Variants in NOL4L observed in about 807,000 individuals in gnomAD.
The protein encoded by NOL4L is nucleolar protein 4 like.
Under a neutral mutation model 64.5 loss-of-function variants are expected in NOL4L, and 7 were observed. The observed-to-expected ratio is 0.11, with a 90% CI of 0.06 to 0.20. The LOEUF is 0.20. Among genes scored for constraint, NOL4L ranks in the 10% least tolerant of loss-of-function variants. The pLI is 1.00. For synonymous variants in NOL4L, 413 were observed against 401.0 expected, an observed-to-expected ratio of 1.03 and a Z score of -0.36; for missense variants, 680 against 967.1, an observed-to-expected ratio of 0.70 and a Z score of 3.94.
chr20:32,560,173 G>A (rs375124681), intron 1 of NOL4L, among the ~76,000 whole-genome samples: 4 of 152,244 alleles, frequency 2.6e-5, no homozygotes, highest in Admixed American at 6.5e-5. Flanking sequence ...TCCCAGCCCC[G>A]TCACACAGGC....
chr20:32,518,367 G>A (rs1342137373), intron 3 of NOL4L, among the ~76,000 whole-genome samples: 2 of 152,242 alleles, frequency 1.3e-5, no homozygotes, highest in Non-Finnish European at 1.5e-5. Flanking sequence ...CTGGGGGTGG[G>A]GTGTGGTGGT....
chr20:32,513,323 C>T (rs950675277), intron 3 of NOL4L, among the ~76,000 whole-genome samples: 8 of 152,174 alleles, frequency 5.3e-5, no homozygotes, highest in Non-Finnish European at 7.3e-5. Context: ...ACCTTGAAAA[C>T]GCGATACCAA....
chr20:32,452,123 C>T, intron 10 of NOL4L, 113 bp downstream of exon 10: 1 of 921,792 alleles, frequency 1.1e-6, no homozygotes, highest in East Asian at 3.2e-5. Context: ...TGAGGCAGCC[C>T]CTTTCCATCA....
chr20:32,470,566 C>T (rs1051849357), intron 5 of NOL4L, among the ~76,000 whole-genome samples: 1 of 152,228 alleles, frequency 6.6e-6, no homozygotes, highest in Non-Finnish European at 1.5e-5. Context: ...CCCAAGGCAA[C>T]GCCAGACCAC....
At chr20:32,513,356 C>T (rs925704822) in intron 3 of NOL4L, among the ~76,000 whole-genome samples, 6 of 152,278 alleles carry the variant, frequency 3.9e-5, no homozygotes, top group East Asian at 1.9e-4. Flanking sequence ...AGACATAAAA[C>T]GACAACCACT....
Position 32,463,441 on chromosome 20 carries a change from G to A in NOL4L, c.842-7046C>T, listed in dbSNP as rs1466063333. On this transcript the variant is annotated intron_variant, in intron 5 of 10. Coordinates refer to ENST00000621426, the MANE Select transcript of NOL4L (RefSeq NM_001256798.2). This position sits in a 1 kb window ranked among gnomAD's most constrained non-coding sequence, Gnocchi z 5.8. ...CAGAGACATGTCCTGAGGGGCCTTG[G>A]GGAAGCAGCCCGGGATGCACCCCCT... 1.3e-5 allele frequency among the ~76,000 whole-genome samples: 2 copies of A among 152,190 alleles called. No homozygotes were observed. The highest frequency in any genetic ancestry group is 2.9e-5 in the Non-Finnish European group (2 of 68,028).
chr20:32,511,310 C>G lies in NOL4L; in HGVS notation c.699+37G>C, dbSNP rs771546434. 3 of 1,345,462 alleles carry G rather than the reference C, an allele frequency of 2.2e-6. No individual in the cohort carries two copies. The African/African-American group carries it at 4.4e-5, about 20-fold the overall frequency. 83.3% of individuals were successfully genotyped at this position (1,345,462 alleles called of 1,614,324 possible). A position where few individuals can be genotyped will look rare whatever the true frequency, so the allele number is the denominator to read the frequency against. ...TCAACCACCGCCAGGCAAGTCAGGA[C>G]GCCTCCAGGTGGGGTGAGGGGAGAC... On this transcript the variant is annotated intron_variant, in intron 4 of 10. Coordinates refer to ENST00000621426, the MANE Select transcript of NOL4L (RefSeq NM_001256798.2).
rs111809915 is a variant in NOL4L at position 32,575,807 on chromosome 20, G to C, written c.321+8763C>G. ...AAAATCAAGTAGAAAAGAGAGATGG[G>C]AGATGGTCCAAGGGATCTAAGGTGG... On this transcript the variant is annotated intron_variant, in intron 1 of 10. Coordinates refer to ENST00000621426, the MANE Select transcript of NOL4L (RefSeq NM_001256798.2). Among the ~76,000 whole-genome samples, 566 of 152,336 alleles carry C rather than the reference G, an allele frequency of 3.7e-3. 8 individuals carry two copies. The highest frequency in any genetic ancestry group is 0.013 in the African/African-American group (530 of 41,568).
In NOL4L at chr20:32,558,807, C is replaced by G. The variant is rs977873962; in HGVS notation, c.321+25763G>C. ...CCCCTGAAGGGTTTTAGGCTAGGAA[C>G]TGATGATGTGTGATTTACGTTTCGG... On this transcript the variant is annotated intron_variant, in intron 1 of 10. Coordinates refer to ENST00000621426, the MANE Select transcript of NOL4L (RefSeq NM_001256798.2). Among the ~76,000 whole-genome samples the G allele has an allele frequency of 4.6e-5, 7 of 152,142 alleles. 1 individual carries two copies. Among genetic ancestry groups the G allele is most frequent in the Non-Finnish European group, 8.8e-5 (6 of 68,028 alleles).
intron 3 of NOL4L, among the ~76,000 whole-genome samples, chr20:32,512,298 ACTGT>A (rs1430384852): frequency 1.3e-5 from 2 of 152,022 alleles, no homozygotes; most frequent in Admixed American, 6.6e-5. Context: ...GTTTCCAACC[ACTGT>A]CTAAGTCAGT....
chr20:32,481,033 A>G (rs2015683011), intron 4 of NOL4L, among the ~76,000 whole-genome samples: 1 of 152,070 alleles, frequency 6.6e-6, no homozygotes, highest in Non-Finnish European at 1.5e-5. Flanking sequence ...CACCTACCAC[A>G]CTGGAGGCAT....
At chr20:32,576,507 G>A (rs781516501) in intron 1 of NOL4L, among the ~76,000 whole-genome samples, 1 of 152,172 alleles carries the variant, frequency 6.6e-6, no homozygotes, top group African/African-American at 2.4e-5. Flanking sequence ...AATGACCTGG[G>A]CTTGGGAACC....
At chr20:32,535,274 G>GAAAA (rs34876681) in intron 1 of NOL4L, among the ~76,000 whole-genome samples, 1 of 123,440 alleles carries the variant, frequency 8.1e-6, no homozygotes, top group Non-Finnish European at 1.8e-5. Flanking sequence ...ACTGGAAATT[G>GAAAA]AAAAAAAAAA....
intron 4 of NOL4L, among the ~76,000 whole-genome samples, chr20:32,485,088 C>CAAAAAAAAAA (rs1355588607): frequency 1.9e-5 from 1 of 53,432 alleles, no homozygotes; most frequent in African/African-American, 7.6e-5. Context: ...AAAAAAAAAA[C>CAAAAAAAAAA]AACTAAAAAA....
At chr20:32,484,240 G>A (rs1355213321) in intron 4 of NOL4L, among the ~76,000 whole-genome samples, 2 of 152,104 alleles carry the variant, frequency 1.3e-5, no homozygotes, top group African/African-American at 4.8e-5. Flanking sequence ...CTCGGGGTTC[G>A]GCTCCCCCGG....
At chr20:32,576,841 T>A (rs1600891893) in intron 1 of NOL4L, among the ~76,000 whole-genome samples, 1 of 152,028 alleles carries the variant, frequency 6.6e-6, no homozygotes. Flanking sequence ...TCTGGCCAGG[T>A]GGGAGGGCAG....
chr20:32,567,354 A>T (rs2145617835), intron 1 of NOL4L, among the ~76,000 whole-genome samples: 1 of 152,268 alleles, frequency 6.6e-6, no homozygotes, highest in Non-Finnish European at 1.5e-5. Context: ...AGGGAACGGG[A>T]TCTGCCCCAG....
At chr20:32,555,303 C>CT (rs1978579472) in intron 1 of NOL4L, among the ~76,000 whole-genome samples, 1 of 152,010 alleles carries the variant, frequency 6.6e-6, no homozygotes, top group Admixed American at 6.6e-5. Flanking sequence ...TGGATAGGAC[C>CT]TTTTTAAAAA....
At chr20:32,543,071 G>A (rs1299682088) in intron 1 of NOL4L, among the ~76,000 whole-genome samples, 8 of 152,168 alleles carry the variant, frequency 5.3e-5, no homozygotes, top group Non-Finnish European at 1.2e-4. Flanking sequence ...CGAGTGTGGG[G>A]AAAAGGGAAA....
Sources: gnomAD v4.1 joint callset for allele counts (sites outside exome capture counted in the v4.1 genomes callset) on GRCh38, gnomAD v4.1.1 for gene constraint, Gnocchi (gnomAD v3.1) non-coding constraint, MANE v1.5 for transcripts, NCBI Gene and HGNC (gene_info 2026-07-23, HGNC 2026-07-21) for gene names.